ABCA4: variants seen among roughly 807,000 people sequenced by gnomAD.
The protein encoded by ABCA4 is ATP binding cassette subfamily A member 4, also known as retinal-specific phospholipid-transporting ATPase ABCA4.
Under a neutral mutation model 263.7 loss-of-function variants are expected in ABCA4, and 196 were observed. The observed-to-expected ratio is 0.74, with a 90% CI of 0.66 to 0.84. The LOEUF is 0.84. Ranked by LOEUF, ABCA4 falls within the 40% of genes least tolerant of loss-of-function variation. ABCA4 has a pLI of 0.00. For missense variants in ABCA4, 2,792 were observed against 2,855.1 expected (o/e 0.98, Z 0.50); for synonymous variants, 1,133 against 1,094.2 (o/e 1.04, Z -0.70).
In ABCA4 at chr1:94,103,123, C is replaced by T. The variant is rs1253706083; in HGVS notation, c.462G>A (p.Arg154=). 3.2e-5 allele frequency: 52 copies of T among 1,613,820 alleles called. No homozygotes were observed. In the East Asian group the frequency reaches 1.1e-3, roughly 35 times the overall value. The change falls in exon 5 of 50, where the codon AGG becomes AGA. Residue 154 remains arginine (R), a synonymous_variant. Coordinates refer to ENST00000370225, the MANE Select transcript of ABCA4 (RefSeq NM_000350.3). ...GTGTTTCTTCATCTTTCAAGATATCCCTTATTCGTATTCCTCTTCCTACAT... is the reference window on the plus strand; with the variant it reads ...GTGTTTCTTCATCTTTCAAGATATCTCTTATTCGTATTCCTCTTCCTACAT... ...ERIAGRGIRI[R]DILKDEETLT... is the part of the protein sequence containing the mutation.
Position 94,080,573 on chromosome 1 carries a change from A to G in ABCA4, c.1004T>C (p.Leu335Pro). The G allele has an allele frequency of 1.3e-5, 21 of 1,614,134 alleles. No homozygotes were observed. Among genetic ancestry groups the G allele is most frequent in the Non-Finnish European group, 1.8e-5 (21 of 1,180,020 alleles). Residue 335 changes from leucine to proline, a missense_variant, in exon 8 of 50, where the codon CTC becomes CCC. Coordinates refer to ENST00000370225, the MANE Select transcript of ABCA4 (RefSeq NM_000350.3). ...GYPEGGGSRV[L>P]SFNWYEDNNY... is the part of the protein sequence containing the mutation. ...ATTGTCTTCATACCAGTTGAAGGAGAGCACCCGAGAGCCACCTCCCTCGGG... is the reference window on the plus strand; with the variant it reads ...ATTGTCTTCATACCAGTTGAAGGAGGGCACCCGAGAGCCACCTCCCTCGGG...
At chr1:94,120,173 C>A (rs1177200742) in intron 1 of ABCA4, among the ~76,000 whole-genome samples, 1 of 152,216 alleles carries the variant, frequency 6.6e-6, no homozygotes, top group African/African-American at 2.4e-5. Context: ...TCTCCGGCAC[C>A]TTTTGCTCGC....
intron 11 of ABCA4, among the ~76,000 whole-genome samples, chr1:94,069,636 C>T (rs1197762860): frequency 6.6e-6 from 1 of 152,150 alleles, no homozygotes; most frequent in Non-Finnish European, 1.5e-5. Context: ...GGGCAAACAT[C>T]CCAGAATGAG....
intron 10 of ABCA4, 40 bp from the exon 11 acceptor site, chr1:94,077,927 T>G (rs2101101545): frequency 6.3e-7 from 1 of 1,575,914 alleles, no homozygotes; most frequent in East Asian, 2.2e-5. Context: ...TGCTTAGAAA[T>G]TCCATAGGAT....
chr1:94,031,071 A>G lies in ABCA4; in HGVS notation c.4178T>C (p.Val1393Ala), dbSNP rs757042025. The G allele has an allele frequency of 5.0e-6, 8 of 1,614,084 alleles. No individual in the cohort carries two copies. In the East Asian group the frequency reaches 1.8e-4, roughly 36 times the overall value. ...GGGGTATTCGCCAAAAGGAGGGATA[A>G]CAATAGAAAGCATCAGAGCCAAAAA... Reference protein sequence around the residue: ...FVFLALMLSIVIPPFGEYPAL... With the variant: ...FVFLALMLSIAIPPFGEYPAL... Residue 1393 changes from valine (V) to alanine (A), a missense_variant, in exon 28 of 50, where the codon GTT becomes GCT. Physicochemically the swap from Val to Ala is moderately conservative, Grantham distance 64. Coordinates refer to ENST00000370225, the MANE Select transcript of ABCA4 (RefSeq NM_000350.3).
At chr1:94,028,906 CAAAAAAAAAAAAAAA>C (rs34738807) in intron 30 of ABCA4, among the ~76,000 whole-genome samples, 1 of 37,654 alleles carries the variant, frequency 2.7e-5, no homozygotes, top group Middle Eastern at 0.022. Flanking sequence ...GACTCTGTCT[CAAAAAAAAAAAAAAA>C]AAAAAAAAAG....
At chr1:94,089,470 ATT>A (rs60711208) in intron 6 of ABCA4, among the ~76,000 whole-genome samples, 14 of 141,742 alleles carry the variant, frequency 9.9e-5, no homozygotes, top group African/African-American at 7.8e-5. Context: ...TTTCTTTTCT[ATT>A]TTTTTTTTTT....
intron 18 of ABCA4, among the ~76,000 whole-genome samples, 179 bp from the exon 19 acceptor site, chr1:94,047,272 C>T (rs1486770773): frequency 6.6e-6 from 1 of 152,196 alleles, no homozygotes; most frequent in Non-Finnish European, 1.5e-5. Flanking sequence ...AACGTTTATA[C>T]AGCACCTCCT....
intron 15 of ABCA4, among the ~76,000 whole-genome samples, chr1:94,056,232 T>C (rs1660973993): frequency 6.6e-6 from 1 of 152,246 alleles, no homozygotes; most frequent in Non-Finnish European, 1.5e-5. Flanking sequence ...AACATCTCTT[T>C]AGACAGATAG....
chr1:94,073,779 A>C (rs1446569131), intron 11 of ABCA4, among the ~76,000 whole-genome samples: 4 of 152,208 alleles, frequency 2.6e-5, no homozygotes, highest in Non-Finnish European at 5.9e-5. Flanking sequence ...TCTGGAAAAC[A>C]AGACATTTAT....
intron 15 of ABCA4, 81 bp downstream of exon 15, chr1:94,056,520 G>A: frequency 6.9e-7 from 1 of 1,444,376 alleles, no homozygotes; most frequent in South Asian, 1.2e-5. Context: ...CCCCCTCAGA[G>A]GGCAGGCTGG....
chr1:94,033,189 C>T (rs2101038696), intron 26 of ABCA4, among the ~76,000 whole-genome samples: 1 of 152,038 alleles, frequency 6.6e-6, no homozygotes, highest in Admixed American at 6.5e-5. Context: ...GGAGGCCAAG[C>T]CAGGAGGATT....
chr1:94,002,737 T>C lies in ABCA4; in HGVS notation c.6148-745A>G, dbSNP rs74102058. On this transcript the variant is annotated intron_variant, in intron 44 of 49. Coordinates refer to ENST00000370225, the MANE Select transcript of ABCA4 (RefSeq NM_000350.3). ...AGTTCTTCATTCAGGTTCTCTCCTC[T>C]GCAGGCTCTCCCTGGGCCACCCTAC... 0.13 allele frequency among the ~76,000 whole-genome samples: 19,405 copies of C among 152,146 alleles called. 2,079 individuals are homozygous for C. The highest frequency in any genetic ancestry group is 0.29 in the African/African-American group (12,126 of 41,448).
chr1:94,078,583 C>CG lies in ABCA4; in HGVS notation c.1356+6_1356+7insC, dbSNP rs886046568. ...CCCTCCCCTCCCCATCCTCCAACCC[C>CG]CCTTACTCTGATCATGTTCATCTGT... On this transcript the variant is annotated splice_region_variant and intron_variant, in intron 10 of 49. Coordinates refer to ENST00000370225, the MANE Select transcript of ABCA4 (RefSeq NM_000350.3). The CG allele has an allele frequency of 2.6e-6, 4 of 1,557,558 alleles. No homozygotes were observed. In the East Asian group the frequency reaches 6.8e-5, roughly 26 times the overall value.
chr1:94,031,096 A>T lies in ABCA4; in HGVS notation c.4153T>A (p.Phe1385Ile), dbSNP rs758424704. 6.2e-7 allele frequency: 1 copy of T among 1,614,164 alleles called. No homozygotes were observed. The highest frequency in any genetic ancestry group is 8.5e-7 in the Non-Finnish European group (1 of 1,180,012). ...AQIVLPATFV[F>I]LALMLSIVIP... ...ACAATAGAAAGCATCAGAGCCAAAA[A>T]CACAAAGGTAGCCGGGAGCACGATC... Residue 1385 changes from phenylalanine (F) to isoleucine (I), a missense_variant, in exon 28 of 50, where the codon TTT becomes ATT. By Grantham distance (21) the Phe-to-Ile change is conservative. Coordinates refer to ENST00000370225, the MANE Select transcript of ABCA4 (RefSeq NM_000350.3).
At position 94,008,089 on chromosome 1, in the gene ABCA4, G is replaced by T. The variant is rs145297440; in HGVS notation, c.5898+146C>A. On this transcript the variant is annotated intron_variant, in intron 42 of 49. Coordinates refer to ENST00000370225, the MANE Select transcript of ABCA4 (RefSeq NM_000350.3). ...CCTATTTTCTTTTTACTTTTCTCAT[G>T]TGGCTAGTGGAAGATTTAAAATTAC... 771 of 761,252 alleles carry T rather than the reference G, an allele frequency of 1.0e-3. 9 individuals are homozygous for T. In the African/African-American group the frequency reaches 0.012, roughly 12 times the overall value. 47.2% of individuals were successfully genotyped at this position (761,252 alleles called of 1,614,324 possible). A position where few individuals can be genotyped will look rare whatever the true frequency, so the allele number is the denominator to read the frequency against.
Position 94,021,340 on chromosome 1 carries a change from G to A in ABCA4, c.4918C>T (p.Arg1640Trp), listed in dbSNP as rs61751404. The A allele has an allele frequency of 5.4e-5, 87 of 1,614,098 alleles. No homozygotes were observed. Among genetic ancestry groups the A allele is most frequent in the Middle Eastern group, 1.6e-4 (1 of 6,084 alleles). The stretch of plus-strand genomic sequence containing the variant: ...CTCCTGTCCTTAGGCAGGCTGGCCC[G>A]TAAGATGGCGTTGTGGGCCACATTG... ...FLNVAHNAILRASLPKDRSPE... is the reference protein window; with the variant it reads ...FLNVAHNAILWASLPKDRSPE... The change falls in exon 35 of 50, where the codon CGG becomes TGG. Residue 1640 changes from arginine to tryptophan, a missense_variant. Physicochemically the swap from Arg to Trp is moderately radical, Grantham distance 101 (BLOSUM62 -3). Transcript: ENST00000370225.
intron 24 of ABCA4, among the ~76,000 whole-genome samples, chr1:94,038,804 G>C (rs1279691055): frequency 6.6e-6 from 1 of 152,098 alleles, no homozygotes; most frequent in Non-Finnish European, 1.5e-5. Flanking sequence ...AGGTCTGTGA[G>C]TGTGTGTGTG....
At chr1:94,052,626 A>G (rs1660870613) in intron 16 of ABCA4, among the ~76,000 whole-genome samples, 5 of 152,224 alleles carry the variant, frequency 3.3e-5, no homozygotes, top group Admixed American at 3.3e-4. Context: ...ATTTTCATCT[A>G]TTATATCTGT....
Sources: allele counts gnomAD v4.1 joint callset (sites outside exome capture counted in the v4.1 genomes callset), GRCh38; gene constraint gnomAD v4.1.1; transcripts MANE v1.5; gene names NCBI Gene and HGNC (gene_info 2026-07-23, HGNC 2026-07-21).